SLC9A9: variants seen among roughly 807,000 people sequenced by gnomAD.
SLC9A9 encodes sodium/hydrogen exchanger 9.
In SLC9A9, 62 loss-of-function variants were observed where a neutral mutation model predicts 77.8. The observed-to-expected ratio is 0.80, with a 90% confidence interval of 0.65 to 0.98. The LOEUF (loss-of-function observed/expected upper bound fraction) is 0.98, where lower values mean the gene tolerates loss of function less well. Among genes scored for constraint, SLC9A9 ranks in the 50% least tolerant of loss-of-function variants. The pLI is 0.00. For missense variants in SLC9A9, 775 were observed against 774.9 expected, an observed-to-expected ratio of 1.00 and a Z score of 0.00; for synonymous variants, 320 against 283.5, an observed-to-expected ratio of 1.13 and a Z score of -1.29.
intron 14 of SLC9A9, among the ~76,000 whole-genome samples, chr3:143,308,685 G>T (rs1274784136): frequency 1.3e-5 from 2 of 152,110 alleles, no homozygotes; most frequent in Non-Finnish European, 2.9e-5. Context: ...TCATGACTGT[G>T]AAGCTCGCCA....
At chr3:143,418,258 T>C (rs1429562812) in intron 12 of SLC9A9, among the ~76,000 whole-genome samples, 1 of 151,812 alleles carries the variant, frequency 6.6e-6, no homozygotes, top group African/African-American at 2.4e-5. Context: ...CAGATTAAAC[T>C]CGCTGTGCCT....
At chr3:143,464,950 G>A (rs2108567565) in intron 12 of SLC9A9, among the ~76,000 whole-genome samples, 1 of 152,236 alleles carries the variant, frequency 6.6e-6, no homozygotes, top group East Asian at 1.9e-4. Context: ...TGGTCTCTTT[G>A]GGTTTCTGCC....
At chr3:143,671,591 A>T (rs1295355415) in intron 5 of SLC9A9, among the ~76,000 whole-genome samples, 3 of 152,194 alleles carry the variant, frequency 2.0e-5, no homozygotes, top group African/African-American at 7.2e-5. Context: ...TTTATTTCTG[A>T]GTAAATTTGC....
At chr3:143,402,447 G>GTTTTTTTTTTT (rs11292780) in intron 12 of SLC9A9, among the ~76,000 whole-genome samples, 1 of 110,394 alleles carries the variant, frequency 9.1e-6, no homozygotes, top group Non-Finnish European at 1.9e-5. Context: ...GCACCTTTGT[G>GTTTTTTTTTTT]TTTTTTTTTT....
intron 4 of SLC9A9, among the ~76,000 whole-genome samples, chr3:143,778,248 A>T (rs940034800): frequency 9.2e-5 from 14 of 152,148 alleles, no homozygotes; most frequent in Non-Finnish European, 1.9e-4. Context: ...CACTATCAGT[A>T]AGATTGTACT....
In SLC9A9 at chr3:143,266,212, G is replaced by T; in HGVS notation, c.*490C>A. The T allele has an allele frequency of 1.5e-6, 1 of 652,444 alleles. No homozygotes were observed. Among genetic ancestry groups the T allele is most frequent in the South Asian group, 1.7e-5 (1 of 59,076 alleles). 40.4% of individuals were successfully genotyped at this position (652,444 alleles called of 1,614,324 possible). A position where few individuals can be genotyped will look rare whatever the true frequency, so the allele number is the denominator to read the frequency against. On this transcript the variant is annotated 3_prime_UTR_variant, in exon 16 of 16. Coordinates refer to ENST00000316549, the MANE Select transcript of SLC9A9 (RefSeq NM_173653.4). ...CCCTGGGGTCACTGAGAGCAAATGG[G>T]AGTCAAGTCCTCAAAATAAGAAACT...
At chr3:143,801,289 G>A (rs1458046354) in intron 2 of SLC9A9, among the ~76,000 whole-genome samples, 1 of 152,166 alleles carries the variant, frequency 6.6e-6, no homozygotes, top group Non-Finnish European at 1.5e-5. Flanking sequence ...TACTGTTTTA[G>A]ACTGGCCATG....
At chr3:143,332,396 A>G (rs1559871408) in intron 14 of SLC9A9, among the ~76,000 whole-genome samples, 1 of 152,222 alleles carries the variant, frequency 6.6e-6, no homozygotes, top group Non-Finnish European at 1.5e-5. Context: ...TAAATAGGGA[A>G]ATGACAAGTG....
At chr3:143,472,831 G>A (rs981860616) in intron 11 of SLC9A9, among the ~76,000 whole-genome samples, 1 of 152,190 alleles carries the variant, frequency 6.6e-6, no homozygotes, top group Non-Finnish European at 1.5e-5. Context: ...GTTTCTACAA[G>A]TTCAGTTTCT....
At chr3:143,640,643 T>C (rs1199940676) in intron 6 of SLC9A9, among the ~76,000 whole-genome samples, 1 of 152,134 alleles carries the variant, frequency 6.6e-6, no homozygotes, top group Non-Finnish European at 1.5e-5. Context: ...GGACAATTGC[T>C]TGAGCCTAGG....
chr3:143,431,309 C>T lies in SLC9A9; in HGVS notation c.1469+35728G>A, dbSNP rs1452581436. On this transcript the variant is annotated intron_variant, in intron 12 of 15. Transcript: ENST00000316549. ...TTTATGCCACTATAGCACATAGAAC[C>T]ATGAATTATTTGTTGATTTTCCCAG... Among the ~76,000 whole-genome samples, 5 of 152,288 alleles carry T rather than the reference C, an allele frequency of 3.3e-5. No individual in the cohort carries two copies. The East Asian group carries it at 9.6e-4, about 29-fold the overall frequency.
chr3:143,519,735 G>T (rs560213125), intron 9 of SLC9A9, among the ~76,000 whole-genome samples: 1 of 152,252 alleles, frequency 6.6e-6, no homozygotes, highest in South Asian at 2.1e-4. Context: ...GGGCGAGTGA[G>T]AAGAGACACA....
intron 14 of SLC9A9, among the ~76,000 whole-genome samples, chr3:143,293,404 T>C (rs1023814322): frequency 6.6e-6 from 1 of 152,222 alleles, no homozygotes; most frequent in Non-Finnish European, 1.5e-5. Context: ...TTTGCAATCA[T>C]ACCTTTTCCT....
At chr3:143,617,636 C>A (rs1398173712) in intron 6 of SLC9A9, among the ~76,000 whole-genome samples, 1 of 152,200 alleles carries the variant, frequency 6.6e-6, no homozygotes, top group Admixed American at 6.5e-5. Flanking sequence ...TTTGGACCTA[C>A]TTTTCAGCAT....
intron 12 of SLC9A9, among the ~76,000 whole-genome samples, chr3:143,412,201 G>A (rs531642695): frequency 2.6e-5 from 4 of 152,212 alleles, no homozygotes; most frequent in Middle Eastern, 3.4e-3. Context: ...GCCAGGTGTT[G>A]CAAGATGCAA....
At chr3:143,493,846 C>G in intron 10 of SLC9A9, 82 bp from the exon 11 acceptor site, 1 of 1,020,682 alleles carries the variant, frequency 9.8e-7, no homozygotes, top group Non-Finnish European at 1.5e-6. Flanking sequence ...ATTATGTCCT[C>G]AAGCTTCTCT....
At chr3:143,521,657 T>C (rs1198118492) in intron 9 of SLC9A9, among the ~76,000 whole-genome samples, 5 of 152,116 alleles carry the variant, frequency 3.3e-5, no homozygotes, top group Non-Finnish European at 4.4e-5. Flanking sequence ...CTTTCTTATG[T>C]CTCCTCTGTG....
At chr3:143,456,266 G>T (rs189459318) in intron 12 of SLC9A9, among the ~76,000 whole-genome samples, 143 of 152,188 alleles carry the variant, frequency 9.4e-4, no homozygotes, top group African/African-American at 3.2e-3. Context: ...ATTGTAATGT[G>T]TAGCCTTTTT....
At chr3:143,689,654 C>T (rs772342660) in intron 5 of SLC9A9, among the ~76,000 whole-genome samples, 48 of 145,858 alleles carry the variant, frequency 3.3e-4, no homozygotes, top group Non-Finnish European at 5.7e-4. Flanking sequence ...AAGTGATCCT[C>T]TCACCTTGGC....
Sources: gnomAD v4.1 joint callset for allele counts (sites outside exome capture counted in the v4.1 genomes callset) on GRCh38, gnomAD v4.1.1 for gene constraint, MANE v1.5 for transcripts, NCBI Gene and HGNC (gene_info 2026-07-23, HGNC 2026-07-21) for gene names.